Variants in GMCL1 observed in about 807,000 individuals in gnomAD.
GMCL1 encodes germ cell-less 1, spermatogenesis associated.
GMCL1 carries 54 observed loss-of-function variants against 75.5 expected under a neutral mutation model. That is an observed-to-expected ratio of 0.71 (90% CI 0.57 to 0.90). The LOEUF (loss-of-function observed/expected upper bound fraction) is 0.90, where lower values mean the gene tolerates loss of function less well. Among genes scored for constraint, GMCL1 ranks in the 40% least tolerant of loss-of-function variants. The probability of loss-of-function intolerance (pLI) is 0.00; values close to 1 mark genes in which losing one functional copy is unlikely to be tolerated. For missense variants in GMCL1, 537 were observed against 622.7 expected, an observed-to-expected ratio of 0.86 and a Z score of 1.47; for synonymous variants, 210 against 209.6, an observed-to-expected ratio of 1.00 and a Z score of -0.02.
chr2:69,879,215 A>G lies in GMCL1; in HGVS notation c.*211A>G. 1 of 358,368 alleles carries G rather than the reference A, an allele frequency of 2.8e-6. No homozygotes were observed. Among genetic ancestry groups the G allele is most frequent in the Non-Finnish European group, 5.0e-6 (1 of 198,750 alleles). 22.2% of individuals were successfully genotyped at this position (358,368 alleles called of 1,614,324 possible). ...TTGCATTTCTATGCATATGCGTAAG[A>G]ACATTTTAAAGCCAAGAAAATATCT... On this transcript the variant is annotated 3_prime_UTR_variant, in exon 14 of 14. Transcript: ENST00000282570.
intron 10 of GMCL1, among the ~76,000 whole-genome samples, chr2:69,862,969 TC>T (rs968657383): frequency 1.3e-5 from 2 of 152,156 alleles, no homozygotes; most frequent in Non-Finnish European, 2.9e-5. Context: ...TTTTGGATGT[TC>T]TTTATTTTTC....
At chr2:69,854,090 A>G (rs756334403) in intron 8 of GMCL1, among the ~76,000 whole-genome samples, 1 of 151,584 alleles carries the variant, frequency 6.6e-6, no homozygotes, top group Non-Finnish European at 1.5e-5. Flanking sequence ...GGCGTGAGCC[A>G]CCACGCCCAG....
intron 2 of GMCL1, 22 bp downstream of exon 2, chr2:69,837,692 G>C: frequency 1.3e-6 from 2 of 1,588,888 alleles, no homozygotes; most frequent in South Asian, 2.3e-5. Context: ...TTCTATTTGA[G>C]TAACAGGGTA....
In GMCL1 at chr2:69,830,109, G is replaced by A; in HGVS notation, c.217G>A (p.Glu73Lys). ...TGACTCGGAGACGGACGAGGATGAG[G>A]AGGAGGGGGACGAGCAGCAGCGGCT... ...HPDSETDEDEEEGDEQQRLLN... is the reference protein window; with the variant it reads ...HPDSETDEDEKEGDEQQRLLN... Residue 73 changes from glutamate (E) to lysine (K), a missense_variant, in exon 1 of 14, where the codon GAG becomes AAG. By Grantham distance (56) the Glu-to-Lys change is moderately conservative (BLOSUM62 1). Coordinates refer to ENST00000282570, the MANE Select transcript of GMCL1 (RefSeq NM_178439.5). 3.8e-6 allele frequency: 6 copies of A among 1,579,178 alleles called. No homozygotes were observed. The highest frequency in any genetic ancestry group is 5.2e-6 in the Non-Finnish European group (6 of 1,162,110).
At chr2:69,862,683 C>T (rs977353567) in intron 10 of GMCL1, among the ~76,000 whole-genome samples, 30 of 151,930 alleles carry the variant, frequency 2.0e-4, no homozygotes, top group African/African-American at 6.5e-4. Flanking sequence ...CGCTTGAACC[C>T]GGGAGGCGGA....
In GMCL1 at chr2:69,841,025, T is replaced by C. The variant is rs1259837261; in HGVS notation, c.565T>C (p.Cys189Arg). 3.7e-6 allele frequency: 6 copies of C among 1,613,082 alleles called. No individual in the cohort carries two copies. The highest frequency in any genetic ancestry group is 2.7e-5 in the African/African-American group (2 of 74,934). Residue 189 changes from cysteine (C) to arginine (R), a missense_variant, in exon 4 of 14, where the codon TGT becomes CGT. Cys to Arg is a radical substitution (Grantham distance 180). This residue lies in a region of GMCL1 where 345 missense variants were observed against 410.5 expected (regional missense o/e 0.84). Transcript: ENST00000282570. ...SRVVAILAAA[C>R]LLQLDGLIQQ... The stretch of plus-strand genomic sequence containing the variant: ...AGTTGTTGCCATTTTGGCAGCAGCT[T>C]GTTTGCTGCAGTTGGTAAGTATGCA...
chr2:69,849,518 T>C (rs6546552), intron 7 of GMCL1, 134 bp from the exon 8 acceptor site: 109,742 of 561,634 alleles, frequency 0.2, 11,582 homozygotes, highest in African/African-American at 0.26. Flanking sequence ...GTACTTTCTT[T>C]CTTGCAATTG....
intron 11 of GMCL1, among the ~76,000 whole-genome samples, chr2:69,867,661 T>C (rs1675858611): frequency 2.0e-5 from 3 of 152,240 alleles, no homozygotes; most frequent in African/African-American, 7.2e-5. Flanking sequence ...CTCATTGACA[T>C]GTTAAACTCA....
At chr2:69,873,312 A>C (rs548590522) in intron 13 of GMCL1, among the ~76,000 whole-genome samples, 4 of 152,114 alleles carry the variant, frequency 2.6e-5, no homozygotes, top group Non-Finnish European at 5.9e-5. Context: ...CTGTGGATGG[A>C]GTTTGGGAGA....
intron 8 of GMCL1, among the ~76,000 whole-genome samples, chr2:69,850,942 A>T (rs1675301631): frequency 6.6e-6 from 1 of 152,170 alleles, no homozygotes; most frequent in Non-Finnish European, 1.5e-5. Flanking sequence ...AACTAAAGAG[A>T]TTGAATGACT....
chr2:69,877,611 G>T (rs1349510074), intron 13 of GMCL1, among the ~76,000 whole-genome samples: 1 of 152,118 alleles, frequency 6.6e-6, no homozygotes, highest in Non-Finnish European at 1.5e-5. Context: ...GGTGACACTT[G>T]TTAGCACAGT....
chr2:69,849,651 G>A lies in GMCL1; in HGVS notation c.844-1G>A. On this transcript the variant is annotated splice_acceptor_variant, in intron 7 of 13. Coordinates refer to ENST00000282570, the MANE Select transcript of GMCL1 (RefSeq NM_178439.5). LOFTEE classifies it high-confidence loss of function. The stretch of plus-strand genomic sequence containing the variant: ...TTCTTATTTAATTTTTTTTAACTTA[G>A]TGGATGTTCCTTCAACTTGTGCCTT... 6.6e-7 allele frequency: 1 copy of A among 1,522,586 alleles called. No homozygotes were observed. The allele number at this position is 1,522,586 out of a possible 1,614,324, so 94.3% of individuals were successfully genotyped here. A position where few individuals can be genotyped will look rare whatever the true frequency, so the allele number is the denominator to read the frequency against.
At chr2:69,875,202 T>G (rs764493993) in intron 13 of GMCL1, among the ~76,000 whole-genome samples, 1 of 152,186 alleles carries the variant, frequency 6.6e-6, no homozygotes, top group Non-Finnish European at 1.5e-5. Context: ...ATGGCTTAAT[T>G]TTTTACTTTG....
intron 11 of GMCL1, among the ~76,000 whole-genome samples, chr2:69,868,288 CTG>C (rs1573370751): frequency 6.6e-6 from 1 of 151,764 alleles, no homozygotes; most frequent in South Asian, 2.1e-4. Flanking sequence ...AGGGCAGAAA[CTG>C]TATGTTATTT....
At chr2:69,854,542 C>T (rs1043990539) in intron 8 of GMCL1, among the ~76,000 whole-genome samples, 1 of 152,134 alleles carries the variant, frequency 6.6e-6, no homozygotes, top group African/African-American at 2.4e-5. Context: ...CTCAAGCCTT[C>T]CTTTCCCAAC....
intron 11 of GMCL1, among the ~76,000 whole-genome samples, chr2:69,868,793 G>A (rs1246677014): frequency 1.3e-5 from 2 of 151,008 alleles, no homozygotes; most frequent in Non-Finnish European, 2.9e-5. Flanking sequence ...AGTGCTCTAA[G>A]CTATATACCC....
At chr2:69,861,378 T>A in intron 10 of GMCL1, 31 bp downstream of exon 10, 1 of 1,422,690 alleles carries the variant, frequency 7.0e-7, no homozygotes, top group Non-Finnish European at 9.6e-7. Flanking sequence ...CATTTTTCAT[T>A]AAAAAAATTT....
rs1333411724 is a variant in GMCL1 at position 69,841,800 on chromosome 2, A to G, written c.579+761A>G. 2.0e-5 allele frequency among the ~76,000 whole-genome samples: 3 copies of G among 152,306 alleles called. No individual in the cohort carries two copies. In the East Asian group the frequency reaches 5.8e-4, roughly 29 times the overall value. On this transcript the variant is annotated intron_variant, in intron 4 of 13. Coordinates refer to ENST00000282570, the MANE Select transcript of GMCL1 (RefSeq NM_178439.5). ...GTCTTGAAAGTGTGTTTGTATTGCA[A>G]AGTAAGAAGAGGGGAAGGAAGAGCA...
intron 1 of GMCL1, 98 bp from the exon 2 acceptor site, chr2:69,837,449 A>T: frequency 1.0e-6 from 1 of 970,444 alleles, no homozygotes; most frequent in Non-Finnish European, 1.5e-6. Flanking sequence ...GACTCTATTT[A>T]ATAGAAATTG....
Sources: allele counts gnomAD v4.1 joint callset (sites outside exome capture counted in the v4.1 genomes callset), GRCh38; gene constraint gnomAD v4.1.1; regional missense constraint gnomAD v4.1.1; transcripts MANE v1.5; gene names NCBI Gene and HGNC (gene_info 2026-07-23, HGNC 2026-07-21).